C5: variants seen among roughly 807,000 people sequenced by gnomAD.
C5 encodes the protein C3 and PZP-like alpha-2-macroglobulin domain-containing protein 4.
C5 carries 140 observed loss-of-function variants against 218.8 expected under a neutral mutation model. That is an observed-to-expected ratio of 0.64 (90% CI 0.56 to 0.74). The LOEUF (loss-of-function observed/expected upper bound fraction) is 0.74, where lower values mean the gene tolerates loss of function less well. Among genes scored for constraint, C5 ranks in the 30% least tolerant of loss-of-function variants. The pLI, the probability that C5 is intolerant of heterozygous loss-of-function variation, is 0.00. For missense variants in C5, 1,700 were observed against 1,969.6 expected (o/e 0.86, Z 2.59); for synonymous variants, 614 against 682.3 (o/e 0.90, Z 1.56).
intron 23 of C5, 111 bp downstream of exon 23, chr9:120,991,080 G>A: frequency 1.4e-6 from 1 of 740,504 alleles, no homozygotes; most frequent in African/African-American, 1.7e-5. Flanking sequence ...AGGTAGATTT[G>A]TGTGTGCTAC....
At chr9:121,074,725 TC>T in the C5 span, 13 of 441,000 alleles carry the variant, frequency 2.9e-5, no homozygotes, top group Non-Finnish European at 5.5e-5. Context: ...AAACCTCGGC[TC>T]CCCCTGACTC....
At chr9:121,037,703 C>G (rs1390225520) in intron 4 of C5, among the ~76,000 whole-genome samples, 178 bp downstream of exon 4, 1 of 152,050 alleles carries the variant, frequency 6.6e-6, no homozygotes, top group Non-Finnish European at 1.5e-5. Flanking sequence ...TTTGTATGAG[C>G]CTTTCACATA....
the C5 span, chr9:121,074,777 G>A: frequency 2.2e-6 from 1 of 454,338 alleles, no homozygotes. Context: ...CGAAGGCGAA[G>A]GCACCGCATC....
chr9:121,068,648 C>T, the C5 span, among the ~76,000 whole-genome samples: 1 of 152,078 alleles, frequency 6.6e-6, no homozygotes, highest in East Asian at 1.9e-4. Flanking sequence ...TTTATGGAAC[C>T]ACAAAGGAAC....
At chr9:121,025,342 C>A in intron 9 of C5, 112 bp downstream of exon 9, 7 of 1,173,372 alleles carry the variant, frequency 6.0e-6, no homozygotes, top group South Asian at 2.1e-5. Context: ...AAAGAAAATA[C>A]AATGTGAAAT....
In C5 at chr9:121,022,880, G is replaced by GA. The variant is rs1233453483; in HGVS notation, c.1116+523dup. Among the ~76,000 whole-genome samples, 3 of 152,020 alleles carry GA rather than the reference G, an allele frequency of 2.0e-5. No homozygotes were observed. In the East Asian group the frequency reaches 5.8e-4, roughly 29 times the overall value. On this transcript the variant is annotated intron_variant, in intron 10 of 40. Coordinates refer to ENST00000223642, the MANE Select transcript of C5 (RefSeq NM_001735.3). Reference sequence around the variant, plus strand: ...ACAGAAAAAAAGAGATTCAGGGACGGAAAGAAGCAAAAATGAAAAGAACAG... The same window carrying GA: ...ACAGAAAAAAAGAGATTCAGGGACGGAAAAGAAGCAAAAATGAAAAGAACAG...
At chr9:120,973,929 C>T (rs1416690711) in intron 30 of C5, among the ~76,000 whole-genome samples, 3 of 151,762 alleles carry the variant, frequency 2.0e-5, no homozygotes, top group African/African-American at 7.3e-5. Flanking sequence ...GCCGAGGTTG[C>T]GCCATTGCAC....
chr9:120,961,366 G>T, intron 37 of C5, 116 bp downstream of exon 37: 1 of 725,544 alleles, frequency 1.4e-6, no homozygotes, highest in South Asian at 1.5e-5. Flanking sequence ...AGCTGAGATA[G>T]CATTTCTACT....
At chr9:121,074,471 G>T in the C5 span, among the ~76,000 whole-genome samples, 3 of 152,238 alleles carry the variant, frequency 2.0e-5, no homozygotes, top group Admixed American at 6.5e-5. Flanking sequence ...GTTCATCCGA[G>T]CCTGGGCAGT....
chr9:120,979,456 A>T (rs1332036255), intron 28 of C5: 1 of 152,432 alleles, frequency 6.6e-6, no homozygotes, highest in Non-Finnish European at 1.5e-5. Context: ...CCCAGTTAGA[A>T]TTTAAGTTTC....
chr9:121,023,462 T>C lies in C5; in HGVS notation c.1058A>G (p.Lys353Arg), dbSNP rs145993279. 6.2e-7 allele frequency: 1 copy of C among 1,614,004 alleles called. No individual in the cohort carries two copies. The change falls in exon 10 of 41, where the codon AAA becomes AGA. Residue 353 changes from lysine (K) to arginine (R), a missense_variant. Physicochemically the swap from Lys to Arg is conservative, Grantham distance 26. Coordinates refer to ENST00000223642, the MANE Select transcript of C5 (RefSeq NM_001735.3). Reference protein sequence around the residue: ...PGIKYVLSPYKLNLVATPLFL... With the variant: ...PGIKYVLSPYRLNLVATPLFL... ...AAGAGGAGTAGCAACCAAATTCAGTTTGTAGGGAGAGAGGACATATTTGAT... is the reference window on the plus strand; with the variant it reads ...AAGAGGAGTAGCAACCAAATTCAGTCTGTAGGGAGAGAGGACATATTTGAT...
chr9:121,016,222 A>G (rs1262345400), intron 15 of C5, 32 bp downstream of exon 15: 1 of 1,613,336 alleles, frequency 6.2e-7, no homozygotes, highest in Non-Finnish European at 8.5e-7. Flanking sequence ...GATCAATGGG[A>G]TTTTCAGTAA....
chr9:121,046,513 A>C, intron 1 of C5, 130 bp from the exon 2 acceptor site: 2 of 674,878 alleles, frequency 3.0e-6, no homozygotes, highest in South Asian at 3.4e-5. Context: ...AATGATACTA[A>C]TAAGTCAAAA....
intron 38 of C5, among the ~76,000 whole-genome samples, chr9:120,959,322 G>A (rs894662783): frequency 1.3e-5 from 2 of 150,320 alleles, no homozygotes; most frequent in East Asian, 3.9e-4. Context: ...GCAGTAGCAC[G>A]ATCTTGGCTC....
At chr9:120,981,167 A>G (rs2046990145) in intron 27 of C5, among the ~76,000 whole-genome samples, 2 of 152,194 alleles carry the variant, frequency 1.3e-5, no homozygotes, top group African/African-American at 2.4e-5. Flanking sequence ...TCCCAGCTCC[A>G]CATGCATCTC....
intron 29 of C5, 43 bp downstream of exon 29, chr9:120,976,657 A>C (rs2046955284): frequency 6.6e-7 from 1 of 1,520,374 alleles, no homozygotes; most frequent in Non-Finnish European, 9.1e-7. Flanking sequence ...GGGAGAAAAT[A>C]AAAATGTCTA....
In C5 at chr9:120,960,232, G is replaced by A. The variant is rs1473546929; in HGVS notation, c.4678+16C>T. 1 of 1,542,808 alleles carries A rather than the reference G, an allele frequency of 6.5e-7. No individual in the cohort carries two copies. Among genetic ancestry groups the A allele is most frequent in the Non-Finnish European group, 9.0e-7 (1 of 1,115,708 alleles). ...ATTTCATGTTTAAAGGAGCTATATTGAACTTTTGAACTCACCATATGCAAT... is the reference window on the plus strand; with the variant it reads ...ATTTCATGTTTAAAGGAGCTATATTAAACTTTTGAACTCACCATATGCAAT... On this transcript the variant is annotated intron_variant, in intron 38 of 40. Coordinates refer to ENST00000223642, the MANE Select transcript of C5 (RefSeq NM_001735.3).
chr9:121,016,386 G>T lies in C5; in HGVS notation c.1867-3C>A. On this transcript the variant is annotated splice_region_variant and splice_polypyrimidine_tract_variant and intron_variant, in intron 14 of 40. Coordinates refer to ENST00000223642, the MANE Select transcript of C5 (RefSeq NM_001735.3). ...CTCTTCTCTAAGAATTGAAATACCT[G>T]TCCAGAAAGGCAAAATGTTGAGCAC... The T allele has an allele frequency of 6.2e-7, 1 of 1,613,924 alleles. No homozygotes were observed. Among genetic ancestry groups the T allele is most frequent in the Non-Finnish European group, 8.5e-7 (1 of 1,179,858 alleles).
the C5 span, chr9:121,074,751 C>CA: frequency 2.2e-6 from 1 of 453,070 alleles, no homozygotes; most frequent in Non-Finnish European, 4.4e-6. Context: ...CCCGACACTT[C>CA]ACCTGCAACG....
Sources: allele counts gnomAD v4.1 joint callset (sites outside exome capture counted in the v4.1 genomes callset), GRCh38; gene constraint gnomAD v4.1.1; transcripts MANE v1.5; gene names NCBI Gene and HGNC (gene_info 2026-07-23, HGNC 2026-07-21).